The following RTF1 variants were observed in gnomAD, a reference collection of about 807,000 sequenced individuals.
The protein encoded by RTF1 is RNA polymerase-associated protein RTF1 homolog.
Under a neutral mutation model 95.7 loss-of-function variants are expected in RTF1, and 10 were observed. The ratio of observed to expected loss-of-function variants is 0.10; its 90% confidence interval spans 0.06 to 0.18. The LOEUF (loss-of-function observed/expected upper bound fraction) is 0.18. Ranked by LOEUF, RTF1 falls within the 10% of genes least tolerant of loss-of-function variation. RTF1 has a pLI of 1.00. For missense variants in RTF1, 458 were observed against 875.6 expected, an observed-to-expected ratio of 0.52 and a Z score of 6.02; for synonymous variants, 305 against 311.8, an observed-to-expected ratio of 0.98 and a Z score of 0.23.
rs747193035 is a variant in RTF1, at chr15:41,457,684, ACT to A, written c.473_474del (p.Ser158Ter). On this transcript the variant is annotated frameshift_variant, in exon 4 of 18. Coordinates refer to ENST00000389629, the MANE Select transcript of RTF1 (RefSeq NM_015138.5). LOFTEE classifies it high-confidence loss of function. ...GCCTTTGTTGCAGGTGAAGTGTCAG[ACT>A]CTGACAGCAACAGCTCCTCTTCCAG... The A allele has an allele frequency of 6.2e-7, 1 of 1,613,982 alleles. No individual in the cohort carries two copies. The highest frequency in any genetic ancestry group is 8.5e-7 in the Non-Finnish European group (1 of 1,179,996).
At chr15:41,463,447 C>T (rs1052704862) in intron 4 of RTF1, among the ~76,000 whole-genome samples, 1 of 152,156 alleles carries the variant, frequency 6.6e-6, no homozygotes, top group African/African-American at 2.4e-5. Context: ...GTTTCTCCAC[C>T]TCTTCACTAA....
intron 2 of RTF1, among the ~76,000 whole-genome samples, chr15:41,444,193 C>T (rs1434023922): frequency 6.6e-6 from 1 of 152,054 alleles, no homozygotes; most frequent in East Asian, 1.9e-4. Flanking sequence ...ATCACCTAAC[C>T]TCAGGAGGTC....
chr15:41,433,843 CTTTTTTTTT>C (rs11326489), intron 1 of RTF1, among the ~76,000 whole-genome samples: 1 of 126,080 alleles, frequency 7.9e-6, no homozygotes, highest in Non-Finnish European at 1.7e-5. Context: ...TGCTACCACA[CTTTTTTTTT>C]TTTTTTTTTT....
chr15:41,426,781 ATGTGTGTGTGTGTGTGTGTGTGTGTG>A lies in RTF1; in HGVS notation c.198+9488_198+9513del, dbSNP rs58073154. Among the ~76,000 whole-genome samples, 5 of 78,456 alleles carry A rather than the reference ATGTGTGTGTGTGTGTGTGTGTGTGTG, an allele frequency of 6.4e-5. 1 individual carries two copies. Among genetic ancestry groups the A allele is most frequent in the African/African-American group, 1.4e-4 (3 of 21,528 alleles). 51.5% of individuals were successfully genotyped at this position (78,456 alleles called of 152,430 possible). On this transcript the variant is annotated intron_variant, in intron 1 of 17. Coordinates refer to ENST00000389629, the MANE Select transcript of RTF1 (RefSeq NM_015138.5). ...TACTGTGCCCAGCCGCTACATATATATGTGTGTGTGTGTGTGTGTGTGTGTGTGTGTGTGTGTGTGTGTGTAATTTT... is the reference window on the plus strand; with the variant it reads ...TACTGTGCCCAGCCGCTACATATATATGTGTGTGTGTGTGTGTGTAATTTT...
At chr15:41,478,862 T>A in intron 15 of RTF1, 1 of 608,550 alleles carries the variant, frequency 1.6e-6, no homozygotes, top group Non-Finnish European at 2.9e-6. Flanking sequence ...CAGGGTGGGT[T>A]TACAGTGCAG....
In RTF1 at chr15:41,479,658, C is replaced by T. The variant is rs190055372; in HGVS notation, c.1914+460C>T. Among the ~76,000 whole-genome samples, 747 of 151,958 alleles carry T rather than the reference C, an allele frequency of 4.9e-3. 3 individuals are homozygous for T. The highest frequency in any genetic ancestry group is 0.024 in the Middle Eastern group (7 of 294). On this transcript the variant is annotated intron_variant, in intron 16 of 17. Transcript: ENST00000389629. ...GGCGGATCACCTGAGGTCAGGAGTT[C>T]GAGACCAGCCTGGCCAACATGGTAG...
intron 2 of RTF1, among the ~76,000 whole-genome samples, chr15:41,448,218 G>GA (rs1179061546): frequency 1.3e-5 from 2 of 151,722 alleles, no homozygotes; most frequent in African/African-American, 2.4e-5. Context: ...CTATTCTTGA[G>GA]AAAAAAAATC....
intron 1 of RTF1, among the ~76,000 whole-genome samples, chr15:41,435,459 A>G (rs2050697293): frequency 6.6e-6 from 1 of 151,922 alleles, no homozygotes; most frequent in Non-Finnish European, 1.5e-5. Flanking sequence ...ACAGGTGTAG[A>G]CCACCGTGCC....
chr15:41,437,483 G>A (rs953394132), intron 1 of RTF1, among the ~76,000 whole-genome samples: 2 of 152,020 alleles, frequency 1.3e-5, no homozygotes, highest in Admixed American at 6.6e-5. Flanking sequence ...GTGACACAGC[G>A]AGACTCTGTC....
At chr15:41,467,136 G>A (rs1337901834) in intron 6 of RTF1, among the ~76,000 whole-genome samples, 1 of 152,180 alleles carries the variant, frequency 6.6e-6, no homozygotes, top group African/African-American at 2.4e-5. Context: ...TCATGCATCT[G>A]AAGTTCAACT....
intron 4 of RTF1, among the ~76,000 whole-genome samples, chr15:41,459,040 C>G (rs770994161): frequency 5.3e-5 from 8 of 151,922 alleles, no homozygotes; most frequent in African/African-American, 1.9e-4. Flanking sequence ...CCACTGGACT[C>G]CAGCCTGGGC....
chr15:41,478,436 A>G (rs1300165008), intron 14 of RTF1, 112 bp from the exon 15 acceptor site: 35 of 798,458 alleles, frequency 4.4e-5, no homozygotes, highest in Admixed American at 2.2e-4. Context: ...GGAAAAGGAT[A>G]ATAGCTTTTT....
At chr15:41,449,227 ATT>A (rs34660598) in intron 2 of RTF1, among the ~76,000 whole-genome samples, 38 of 109,294 alleles carry the variant, frequency 3.5e-4, no homozygotes, top group African/African-American at 1.1e-3. Context: ...AGGCAGGTGA[ATT>A]TTTTTTTTTT....
chr15:41,437,358 G>A (rs936414724), intron 1 of RTF1, among the ~76,000 whole-genome samples: 2 of 150,928 alleles, frequency 1.3e-5, no homozygotes, highest in South Asian at 2.1e-4. Context: ...AAAATTAGCC[G>A]GGCGTGGTGG....
At chr15:41,470,028 T>G (rs904853054) in intron 6 of RTF1, among the ~76,000 whole-genome samples, 1 of 152,196 alleles carries the variant, frequency 6.6e-6, no homozygotes, top group African/African-American at 2.4e-5. Flanking sequence ...GCCCACCTAG[T>G]ATCAATCTTC....
chr15:41,418,213 C>T (rs1424914525), intron 1 of RTF1, among the ~76,000 whole-genome samples: 1 of 152,070 alleles, frequency 6.6e-6, no homozygotes, highest in African/African-American at 2.4e-5. Flanking sequence ...AAGATGGTCT[C>T]CTTTCTGTTT....
chr15:41,467,689 T>G (rs1224685265), intron 6 of RTF1, among the ~76,000 whole-genome samples: 1 of 151,816 alleles, frequency 6.6e-6, no homozygotes, highest in Non-Finnish European at 1.5e-5. Flanking sequence ...CGCTCCAGCC[T>G]GGACAACAGA....
chr15:41,431,586 A>G (rs1193135113), intron 1 of RTF1, among the ~76,000 whole-genome samples: 2 of 151,826 alleles, frequency 1.3e-5, no homozygotes, highest in African/African-American at 2.4e-5. Context: ...TGCACTCTCA[A>G]CCACCCAGAC....
chr15:41,427,207 A>G (rs1374948349), intron 1 of RTF1, among the ~76,000 whole-genome samples: 1 of 134,548 alleles, frequency 7.4e-6, no homozygotes, highest in African/African-American at 2.9e-5. Context: ...GCCGGAGTGC[A>G]GTGGTGCGAT....
Sources: allele counts gnomAD v4.1 joint callset (sites outside exome capture counted in the v4.1 genomes callset), GRCh38; gene constraint gnomAD v4.1.1; transcripts MANE v1.5; gene names NCBI Gene and HGNC (gene_info 2026-07-23, HGNC 2026-07-21).